SAMD4A: variants seen among roughly 807,000 people sequenced by gnomAD.
SAMD4A encodes protein Smaug homolog 1.
A neutral mutation model predicts 81.3 loss-of-function variants in SAMD4A; 33 were observed. The ratio of observed to expected loss-of-function variants is 0.41; its 90% CI spans 0.31 to 0.54. The LOEUF is 0.54. SAMD4A is among the 20% of genes least tolerant of loss of function. SAMD4A has a pLI of 0.37. For missense variants in SAMD4A, 854 were observed against 951.1 expected (o/e 0.90, Z 1.34); for synonymous variants, 389 against 382.1 (o/e 1.02, Z -0.21).
Position 54,776,547 on chromosome 14 carries a change from C to A in SAMD4A, c.2044+7C>A. ...CTGATGTTCCAGCAGCCAGGTAGGG[C>A]CCGGCGCTTCATGTCCCCTTGACAC... On this transcript the variant is annotated splice_region_variant and intron_variant, in intron 11 of 12. Coordinates refer to ENST00000554335, the MANE Select transcript of SAMD4A (RefSeq NM_015589.6). 1 of 1,555,658 alleles carries A rather than the reference C, an allele frequency of 6.4e-7. No individual in the cohort carries two copies. The highest frequency in any genetic ancestry group is 8.7e-7 in the Non-Finnish European group (1 of 1,154,046).
chr14:54,734,667 A>G (rs1436475844), intron 3 of SAMD4A, among the ~76,000 whole-genome samples: 2 of 152,334 alleles, frequency 1.3e-5, no homozygotes, highest in East Asian at 1.9e-4. Flanking sequence ...AGCTTCCCCA[A>G]GGATGCCTCT....
intron 2 of SAMD4A, among the ~76,000 whole-genome samples, chr14:54,606,232 C>T (rs528078691): frequency 4.0e-5 from 6 of 151,192 alleles, no homozygotes; most frequent in Non-Finnish European, 1.5e-5. Flanking sequence ...TGCACGTGCA[C>T]GTGTGCGCTC....
At position 54,604,777 on chromosome 14, in the gene SAMD4A, A is replaced by G. The variant is rs566883977; in HGVS notation, c.196+36665A>G. 2.0e-5 allele frequency among the ~76,000 whole-genome samples: 3 copies of G among 152,358 alleles called. No individual in the cohort carries two copies. The East Asian group carries it at 5.8e-4, about 29-fold the overall frequency. On this transcript the variant is annotated intron_variant, in intron 2 of 12. Transcript: ENST00000554335. The stretch of plus-strand genomic sequence containing the variant: ...AAACCTATCATACATACAAAAGAGT[A>G]TATAACACTTATTAATATGTATAGT...
At chr14:54,604,673 G>A (rs2034152383) in intron 2 of SAMD4A, among the ~76,000 whole-genome samples, 1 of 152,074 alleles carries the variant, frequency 6.6e-6, no homozygotes, top group Non-Finnish European at 1.5e-5. Flanking sequence ...AGGGCTCCCT[G>A]TCTTAAATTT....
chr14:54,682,972 C>T (rs896047784), intron 2 of SAMD4A, among the ~76,000 whole-genome samples: 2 of 152,190 alleles, frequency 1.3e-5, no homozygotes, highest in African/African-American at 2.4e-5. Flanking sequence ...TGCTGGCTGC[C>T]GTGCAGTGCT....
At chr14:54,724,007 T>TGGAAGGAAGGAAGAAGGAA (rs1555347509) in intron 3 of SAMD4A, among the ~76,000 whole-genome samples, 6 of 124,176 alleles carry the variant, frequency 4.8e-5, no homozygotes, top group Non-Finnish European at 1.0e-4. Context: ...GATGGATGGA[T>TGGAAGGAAGGAAGAAGGAA]GGAAGGAAGG....
At chr14:54,730,344 TTTC>T (rs776090760) in intron 3 of SAMD4A, among the ~76,000 whole-genome samples, 3 of 152,238 alleles carry the variant, frequency 2.0e-5, no homozygotes, top group Non-Finnish European at 4.4e-5. Context: ...TTTGCAGCTT[TTTC>T]TTCTTCTAGA....
intron 10 of SAMD4A, among the ~76,000 whole-genome samples, 188 bp from the exon 11 acceptor site, chr14:54,776,226 G>A (rs551032383): frequency 6.6e-6 from 1 of 152,260 alleles, no homozygotes; most frequent in South Asian, 2.1e-4. Context: ...GAGGTGAAGA[G>A]AAATTACAGT....
chr14:54,675,899 C>G (rs2035983634), intron 2 of SAMD4A, among the ~76,000 whole-genome samples: 1 of 152,204 alleles, frequency 6.6e-6, no homozygotes, highest in South Asian at 2.1e-4. Flanking sequence ...GTTTGGAAAA[C>G]TCAGTTCTTC....
intron 2 of SAMD4A, among the ~76,000 whole-genome samples, chr14:54,690,947 T>C (rs577310172): frequency 6.6e-6 from 1 of 152,280 alleles, no homozygotes; most frequent in South Asian, 2.1e-4. Flanking sequence ...CTTGCTGCCT[T>C]CTGCCTTCCT....
At position 54,778,751 on chromosome 14, in the gene SAMD4A, T is replaced by C. The variant is rs78604326; in HGVS notation, c.2044+2211T>C. On this transcript the variant is annotated intron_variant, in intron 11 of 12. Transcript: ENST00000554335. ...AAATTTCCTGATTGCAAATAAACCA[T>C]TGAACGCTGGACAGGAGCCACTCCT... Among the ~76,000 whole-genome samples, 9 of 152,244 alleles carry C rather than the reference T, an allele frequency of 5.9e-5. No individual in the cohort carries two copies. The South Asian group carries it at 1.0e-3, about 18-fold the overall frequency.
intron 2 of SAMD4A, among the ~76,000 whole-genome samples, chr14:54,600,265 G>A (rs2034019897): frequency 6.6e-6 from 1 of 152,186 alleles, no homozygotes; most frequent in Non-Finnish European, 1.5e-5. Context: ...AACCCAGGCA[G>A]TCTGGTGAGG....
intron 2 of SAMD4A, among the ~76,000 whole-genome samples, chr14:54,571,589 A>G (rs2033130072): frequency 6.6e-6 from 1 of 152,230 alleles, no homozygotes; most frequent in Admixed American, 6.5e-5. Flanking sequence ...AACGTAACCC[A>G]CAAAATATAC....
intron 2 of SAMD4A, among the ~76,000 whole-genome samples, chr14:54,576,853 G>T (rs1350856525): frequency 6.6e-6 from 1 of 152,220 alleles, no homozygotes; most frequent in Non-Finnish European, 1.5e-5. Flanking sequence ...TCTGCCTAAA[G>T]GGAGATCTCT....
chr14:54,588,874 G>A (rs866834575), intron 2 of SAMD4A, among the ~76,000 whole-genome samples: 1 of 152,064 alleles, frequency 6.6e-6, no homozygotes, highest in Non-Finnish European at 1.5e-5. Flanking sequence ...GACAGGAAAA[G>A]GATTTTTAAG....
chr14:54,705,637 C>T (rs2036832992), intron 3 of SAMD4A, among the ~76,000 whole-genome samples: 1 of 152,266 alleles, frequency 6.6e-6, no homozygotes, highest in South Asian at 2.1e-4. Context: ...ATTGCTCAGT[C>T]ATTGTGCCTT....
chr14:54,790,879 G>A lies in SAMD4A; in HGVS notation c.*1935G>A. The A allele has an allele frequency of 6.6e-6, 1 of 151,992 alleles. No homozygotes were observed. Among genetic ancestry groups the A allele is most frequent in the Non-Finnish European group, 1.5e-5 (1 of 68,010 alleles). 9.4% of individuals were successfully genotyped at this position (151,992 alleles called of 1,614,324 possible). ...AACCCAGCCTTGGATGCCACCACCA[G>A]GTTTTTGAAGCCCTTTTGAGTCTAA... On this transcript the variant is annotated 3_prime_UTR_variant, in exon 13 of 13. Coordinates refer to ENST00000554335, the MANE Select transcript of SAMD4A (RefSeq NM_015589.6).
chr14:54,639,828 G>T (rs371048083), intron 2 of SAMD4A, among the ~76,000 whole-genome samples: 3 of 118,482 alleles, frequency 2.5e-5, no homozygotes, highest in Admixed American at 2.5e-4. Context: ...ACACACACAC[G>T]TACACACCAC....
intron 2 of SAMD4A, among the ~76,000 whole-genome samples, chr14:54,591,976 G>A (rs530316920): frequency 2.0e-5 from 3 of 152,084 alleles, no homozygotes; most frequent in African/African-American, 7.2e-5. Context: ...GACTTGCTTT[G>A]TGTGCCTTTT....
Sources: gnomAD v4.1 joint callset for allele counts (sites outside exome capture counted in the v4.1 genomes callset) on GRCh38, gnomAD v4.1.1 for gene constraint, MANE v1.5 for transcripts, NCBI Gene and HGNC (gene_info 2026-07-23, HGNC 2026-07-21) for gene names.